Variants in CALN1 observed in about 807,000 individuals in gnomAD.
CALN1 encodes the protein calneuron 1, also known as calcium-binding protein 8.
In CALN1, 17 loss-of-function variants were observed where a neutral mutation model predicts 30.6. The ratio of observed to expected loss-of-function variants is 0.56; its 90% CI spans 0.38 to 0.83. The LOEUF (loss-of-function observed/expected upper bound fraction) is 0.83. CALN1 is among the 40% of genes least tolerant of loss of function. CALN1 has a pLI of 0.00. For missense variants in CALN1, 291 were observed against 354.9 expected (o/e 0.82, Z 1.45); for synonymous variants, 156 against 131.4 (o/e 1.19, Z -1.28).
intron 1 of CALN1, among the ~76,000 whole-genome samples, chr7:72,433,921 G>C (rs894268738): frequency 2.0e-5 from 3 of 151,814 alleles, no homozygotes; most frequent in African/African-American, 7.3e-5. Context: ...AGCCAGGCAG[G>C]GTGGTGGCAC....
chr7:72,251,003 T>C (rs1795515487), intron 3 of CALN1, among the ~76,000 whole-genome samples: 1 of 152,126 alleles, frequency 6.6e-6, no homozygotes, highest in Admixed American at 6.5e-5. Context: ...GTCACCCCAA[T>C]GTTCCCCCTG....
intron 5 of CALN1, among the ~76,000 whole-genome samples, chr7:71,959,874 C>A (rs1450802454): frequency 6.6e-6 from 1 of 152,094 alleles, no homozygotes; most frequent in Non-Finnish European, 1.5e-5. Context: ...TGGCTCAGGC[C>A]TGTAATCCCA....
chr7:72,016,066 C>A (rs141825636), intron 5 of CALN1, among the ~76,000 whole-genome samples: 21,689 of 151,764 alleles, frequency 0.14, 2,458 homozygotes, highest in East Asian at 0.34. Context: ...CTGGCCAACA[C>A]GGTGAAACCC....
At chr7:72,360,448 G>C (rs577709856) in intron 2 of CALN1, among the ~76,000 whole-genome samples, 68 of 151,644 alleles carry the variant, frequency 4.5e-4, no homozygotes, top group African/African-American at 1.3e-3. Context: ...AAAAATCAGA[G>C]AAAGATTGAA....
At chr7:72,126,644 A>G (rs1808785221) in intron 3 of CALN1, among the ~76,000 whole-genome samples, 1 of 151,938 alleles carries the variant, frequency 6.6e-6, no homozygotes, top group African/African-American at 2.4e-5. Context: ...AAAGTCCATT[A>G]TATCATGTTT....
At chr7:72,015,179 C>T (rs970567698) in intron 5 of CALN1, among the ~76,000 whole-genome samples, 12 of 151,950 alleles carry the variant, frequency 7.9e-5, no homozygotes, top group South Asian at 2.1e-4. Flanking sequence ...AAAGAAAAAC[C>T]CAAATTACCA....
At chr7:71,970,395 C>A (rs1449614392) in intron 5 of CALN1, among the ~76,000 whole-genome samples, 2 of 152,086 alleles carry the variant, frequency 1.3e-5, no homozygotes, top group Non-Finnish European at 2.9e-5. Flanking sequence ...AGCAAACACC[C>A]TCATTTTCTT....
intron 2 of CALN1, among the ~76,000 whole-genome samples, chr7:72,360,826 T>C (rs937925165): frequency 1.3e-5 from 2 of 151,684 alleles, no homozygotes; most frequent in Non-Finnish European, 2.9e-5. Flanking sequence ...CCTCCCGGAT[T>C]CAAGCAATTC....
At chr7:72,442,573 T>C (rs908831412) in intron 1 of CALN1, among the ~76,000 whole-genome samples, 29 of 152,130 alleles carry the variant, frequency 1.9e-4, no homozygotes, top group South Asian at 8.3e-4. Flanking sequence ...GTTGCGCTTA[T>C]TTAGGATTGG....
intron 2 of CALN1, among the ~76,000 whole-genome samples, chr7:72,309,421 T>C (rs1219838793): frequency 6.6e-6 from 1 of 152,076 alleles, no homozygotes; most frequent in Non-Finnish European, 1.5e-5. Flanking sequence ...CCCTCTCTTC[T>C]GATGGAGCAC....
intron 3 of CALN1, among the ~76,000 whole-genome samples, chr7:72,123,800 T>C (rs1383559224): frequency 6.6e-6 from 1 of 152,210 alleles, no homozygotes; most frequent in East Asian, 1.9e-4. Flanking sequence ...CCATTATCAA[T>C]AGGAAGCAAT....
intron 5 of CALN1, among the ~76,000 whole-genome samples, chr7:71,912,715 G>A (rs903239215): frequency 2.0e-5 from 3 of 152,156 alleles, no homozygotes; most frequent in Admixed American, 1.3e-4. Flanking sequence ...GAAGCTACAC[G>A]TCTGACTCAG....
intron 1 of CALN1, among the ~76,000 whole-genome samples, chr7:72,406,398 A>G (rs1304848284): frequency 6.6e-6 from 1 of 152,088 alleles, no homozygotes. Flanking sequence ...GCATTTCCCA[A>G]TGAGCTTCCT....
At chr7:72,123,260 T>C (rs1468898843) in intron 3 of CALN1, among the ~76,000 whole-genome samples, 1 of 152,194 alleles carries the variant, frequency 6.6e-6, no homozygotes, top group Non-Finnish European at 1.5e-5. Flanking sequence ...CAGAAAACTT[T>C]TTCCTTGTGT....
At chr7:71,819,843 A>G (rs1788492229) in intron 5 of CALN1, among the ~76,000 whole-genome samples, 1 of 152,116 alleles carries the variant, frequency 6.6e-6, no homozygotes. Flanking sequence ...TTCCTTTTTA[A>G]GGCTGGACCA....
At chr7:72,378,012 C>T (rs755963363) in intron 2 of CALN1, among the ~76,000 whole-genome samples, 25 of 151,544 alleles carry the variant, frequency 1.6e-4, no homozygotes, top group Non-Finnish European at 2.9e-4. Context: ...CCCAGCCATT[C>T]GTCCTGAACT....
chr7:72,076,217 C>T (rs1804714874), intron 4 of CALN1, among the ~76,000 whole-genome samples: 1 of 151,786 alleles, frequency 6.6e-6, no homozygotes, highest in Non-Finnish European at 1.5e-5. Flanking sequence ...TTGATAGGTA[C>T]AGCAAACCAC....
At chr7:72,462,154 T>TTATGTATGTATGTATG in the CALN1 span, among the ~76,000 whole-genome samples, 52 of 151,490 alleles carry the variant, frequency 3.4e-4, no homozygotes, top group African/African-American at 1.2e-3. Context: ...TTTATTTAAT[T>TTATGTATGTATGTATG]TATGTATGTA....
chr7:72,099,963 T>A lies in CALN1; in HGVS notation c.388+6188A>T, dbSNP rs149222634. ...GTAGTCTCTTAAACCGCATACCAGA[T>A]GCCTGAGCCCTGATGAGCTCTTTGA... On this transcript the variant is annotated intron_variant, in intron 4 of 6. Coordinates refer to ENST00000395275, the MANE Select transcript of CALN1 (RefSeq NM_031468.4). 4.4e-3 allele frequency among the ~76,000 whole-genome samples: 667 copies of A among 151,910 alleles called. 3 individuals carry two copies. Among genetic ancestry groups the A allele is most frequent in the African/African-American group, 0.016 (646 of 41,414 alleles).
Sources: allele counts gnomAD v4.1 joint callset (sites outside exome capture counted in the v4.1 genomes callset), GRCh38; gene constraint gnomAD v4.1.1; transcripts MANE v1.5; gene names NCBI Gene and HGNC (gene_info 2026-07-23, HGNC 2026-07-21).